TGFBR3: variants seen among roughly 807,000 people sequenced by gnomAD.
TGFBR3 encodes the protein transforming growth factor beta receptor type 3.
Under a neutral mutation model 87.9 loss-of-function variants are expected in TGFBR3, and 46 were observed. That is an observed-to-expected ratio of 0.52 (90% CI 0.41 to 0.67). The LOEUF (loss-of-function observed/expected upper bound fraction) is 0.67, where lower values mean the gene tolerates loss of function less well. Ranked by LOEUF, TGFBR3 falls within the 30% of genes least tolerant of loss-of-function variation. The pLI is 0.00. For missense variants in TGFBR3, 866 were observed against 1,041.9 expected (o/e 0.83, Z 2.32); for synonymous variants, 381 against 391.6 (o/e 0.97, Z 0.32).
chr1:91,846,236 A>G (rs534825571), intron 2 of TGFBR3, among the ~76,000 whole-genome samples: 1 of 152,376 alleles, frequency 6.6e-6, no homozygotes, highest in South Asian at 2.1e-4. Flanking sequence ...TTTCTCCTGC[A>G]GGCATTAGGT....
At chr1:91,777,203 C>T (rs10874941) in intron 3 of TGFBR3, among the ~76,000 whole-genome samples, 73,996 of 151,954 alleles carry the variant, frequency 0.49, 18,371 homozygotes, top group Middle Eastern at 0.63. Context: ...GTGGGGAAAT[C>T]TGGGGACAAA....
At chr1:91,688,318 TAAG>T (rs1192598222) in intron 16 of TGFBR3, among the ~76,000 whole-genome samples, 1 of 151,982 alleles carries the variant, frequency 6.6e-6, no homozygotes, top group Non-Finnish European at 1.5e-5. Context: ...TGATAATAAC[TAAG>T]AAGAAGAAGA....
At chr1:91,701,291 G>A (rs553128872) in intron 14 of TGFBR3, among the ~76,000 whole-genome samples, 2 of 152,068 alleles carry the variant, frequency 1.3e-5, no homozygotes, top group East Asian at 2.0e-4. Flanking sequence ...GCAGAACTGA[G>A]GTTAAAGAAT....
chr1:91,827,428 ACCT>A (rs1676685977), intron 2 of TGFBR3, among the ~76,000 whole-genome samples: 1 of 152,120 alleles, frequency 6.6e-6, no homozygotes, highest in Admixed American at 6.5e-5. Context: ...TAATCCCCAA[ACCT>A]CCTGTTTCTC....
chr1:91,802,017 A>G (rs1675648802), intron 2 of TGFBR3, among the ~76,000 whole-genome samples: 1 of 152,230 alleles, frequency 6.6e-6, no homozygotes. Flanking sequence ...TAAAGGACGT[A>G]GGTTAAACTC....
chr1:91,844,797 T>C (rs1179393494), intron 2 of TGFBR3, among the ~76,000 whole-genome samples: 1 of 152,270 alleles, frequency 6.6e-6, no homozygotes, highest in Non-Finnish European at 1.5e-5. Flanking sequence ...ATGAGACCTT[T>C]TAACCATAAT....
At chr1:91,711,069 C>A (rs1671964050) in intron 13 of TGFBR3, among the ~76,000 whole-genome samples, 1 of 152,154 alleles carries the variant, frequency 6.6e-6, no homozygotes, top group Admixed American at 6.5e-5. Context: ...TAAACGTTAC[C>A]CTTCTGCCCA....
intron 2 of TGFBR3, among the ~76,000 whole-genome samples, chr1:91,842,336 T>G (rs1157683914): frequency 6.6e-6 from 1 of 152,078 alleles, no homozygotes; most frequent in Non-Finnish European, 1.5e-5. Context: ...GTAGGGTGGT[T>G]AGACTGGGAC....
At chr1:91,759,625 T>C (rs959141365) in intron 3 of TGFBR3, among the ~76,000 whole-genome samples, 1 of 152,166 alleles carries the variant, frequency 6.6e-6, no homozygotes, top group Non-Finnish European at 1.5e-5. Flanking sequence ...ATTGACTAGA[T>C]ACTTTCATAC....
intron 2 of TGFBR3, among the ~76,000 whole-genome samples, chr1:91,891,194 T>C (rs571029328): frequency 1.7e-4 from 24 of 142,398 alleles, no homozygotes; most frequent in South Asian, 2.4e-4. Flanking sequence ...TGGTCTCTCT[T>C]TTTTTTTTTT....
At chr1:91,842,910 G>A (rs1386041341) in intron 2 of TGFBR3, among the ~76,000 whole-genome samples, 1 of 152,060 alleles carries the variant, frequency 6.6e-6, no homozygotes, top group African/African-American at 2.4e-5. Context: ...CAAAAAGTTG[G>A]GGGGCAGGGA....
At chr1:91,821,478 TA>T (rs1254127385) in intron 2 of TGFBR3, among the ~76,000 whole-genome samples, 1 of 152,208 alleles carries the variant, frequency 6.6e-6, no homozygotes, top group Non-Finnish European at 1.5e-5. Context: ...TACTTTATCA[TA>T]AAAATAATTC....
At chr1:91,823,786 G>A (rs142637681) in intron 2 of TGFBR3, among the ~76,000 whole-genome samples, 203 of 152,350 alleles carry the variant, frequency 1.3e-3, no homozygotes, top group African/African-American at 4.5e-3. Context: ...TTGCAGTGGT[G>A]ATTGCACAGG....
rs17881942 is a variant in TGFBR3, at chr1:91,772,746, G to T, written c.247-13996C>A. Among the ~76,000 whole-genome samples the T allele has an allele frequency of 1.2e-3, 185 of 152,242 alleles. 4 individuals are homozygous for T. In the South Asian group the frequency reaches 0.036, roughly 30 times the overall value. On this transcript the variant is annotated intron_variant, in intron 3 of 16. Coordinates refer to ENST00000212355, the MANE Select transcript of TGFBR3 (RefSeq NM_003243.5). ...TCTAAGGTGAAAACAAGTTACCATT[G>T]TAGAATGGTGTACAATGTCTTTCTG...
chr1:91,841,818 T>C (rs1344488920), intron 2 of TGFBR3, among the ~76,000 whole-genome samples: 1 of 126,614 alleles, frequency 7.9e-6, no homozygotes, highest in African/African-American at 2.9e-5. Context: ...AAAAAAGTAG[T>C]TTTAGGCCAG....
intron 2 of TGFBR3, among the ~76,000 whole-genome samples, chr1:91,859,040 C>T (rs1678075317): frequency 2.0e-5 from 3 of 149,780 alleles, no homozygotes; most frequent in African/African-American, 7.4e-5. Flanking sequence ...GGGTGACACA[C>T]AGAGCGAGAC....
intron 2 of TGFBR3, among the ~76,000 whole-genome samples, chr1:91,821,657 C>G (rs1264525099): frequency 1.3e-5 from 2 of 152,180 alleles, no homozygotes; most frequent in African/African-American, 4.8e-5. Context: ...TGTGGCCCAA[C>G]TTCCTCCTCC....
At chr1:91,697,964 G>C in intron 15 of TGFBR3, 125 bp downstream of exon 15, 1 of 872,426 alleles carries the variant, frequency 1.1e-6, no homozygotes, top group East Asian at 2.5e-5. Flanking sequence ...AAGGGGAAGG[G>C]GGAAGGGGGA....
At chr1:91,684,566 A>C (rs1050280538) in intron 16 of TGFBR3, among the ~76,000 whole-genome samples, 2 of 152,156 alleles carry the variant, frequency 1.3e-5, no homozygotes, top group Admixed American at 1.3e-4. Flanking sequence ...TAACACTTTA[A>C]GCATCCCACT....
Sources: allele counts gnomAD v4.1 joint callset (sites outside exome capture counted in the v4.1 genomes callset), GRCh38; gene constraint gnomAD v4.1.1; transcripts MANE v1.5; gene names NCBI Gene and HGNC (gene_info 2026-07-23, HGNC 2026-07-21).